The following LRRC4C variants were observed in gnomAD, a reference collection of about 807,000 sequenced individuals.
LRRC4C encodes leucine rich repeat containing 4C.
LRRC4C carries 5 observed loss-of-function variants against 33.6 expected under a neutral mutation model. The observed-to-expected ratio is 0.15, with a 90% CI of 0.08 to 0.31. The LOEUF (loss-of-function observed/expected upper bound fraction) is 0.31. Among genes scored for constraint, LRRC4C ranks in the 10% least tolerant of loss-of-function variants. LRRC4C has a pLI of 1.00. For missense variants in LRRC4C, 560 were observed against 796.7 expected (o/e 0.70, Z 3.58); for synonymous variants, 329 against 302.0 (o/e 1.09, Z -0.93).
chr11:41,308,649 C>T (rs1950567129), intron 1 of LRRC4C, among the ~76,000 whole-genome samples: 1 of 152,126 alleles, frequency 6.6e-6, no homozygotes, highest in Non-Finnish European at 1.5e-5. Flanking sequence ...TTGGTTTTCT[C>T]TCCCAGCCCA....
chr11:41,356,212 A>C (rs1952154659), intron 1 of LRRC4C, among the ~76,000 whole-genome samples: 1 of 152,186 alleles, frequency 6.6e-6, no homozygotes, highest in South Asian at 2.1e-4. Context: ...AACATTTATC[A>C]AAAAATGCAT....
chr11:40,360,461 C>G (rs1246645882), intron 3 of LRRC4C, among the ~76,000 whole-genome samples: 1 of 152,156 alleles, frequency 6.6e-6, no homozygotes, highest in South Asian at 2.1e-4. Flanking sequence ...CTGCTGCGTG[C>G]ACAGAAACAG....
chr11:40,369,620 A>G (rs1436340259), intron 3 of LRRC4C, among the ~76,000 whole-genome samples: 2 of 152,210 alleles, frequency 1.3e-5, no homozygotes, highest in Admixed American at 6.5e-5. Flanking sequence ...TTAAAGGCGT[A>G]AGCCAACACA....
intron 1 of LRRC4C, among the ~76,000 whole-genome samples, chr11:40,973,324 G>A (rs927666039): frequency 1.3e-5 from 2 of 151,596 alleles, no homozygotes; most frequent in Admixed American, 6.6e-5. Context: ...TAAGAAGACA[G>A]ATCACTACTT....
At chr11:41,267,124 A>T (rs1949176083) in intron 1 of LRRC4C, among the ~76,000 whole-genome samples, 1 of 152,124 alleles carries the variant, frequency 6.6e-6, no homozygotes, top group Non-Finnish European at 1.5e-5. Context: ...AGCAGATAGT[A>T]CTTTCACACT....
At chr11:40,488,908 G>A (rs11035866) in intron 3 of LRRC4C, among the ~76,000 whole-genome samples, 18,881 of 152,036 alleles carry the variant, frequency 0.12, 1,346 homozygotes, top group African/African-American at 0.17. Context: ...CAATGATATT[G>A]TGGTTTCTCC....
chr11:41,113,006 G>A (rs1321239607), intron 1 of LRRC4C, among the ~76,000 whole-genome samples: 4 of 152,004 alleles, frequency 2.6e-5, no homozygotes, highest in African/African-American at 9.7e-5. Flanking sequence ...AACTAAACAA[G>A]TACATTTTCT....
At chr11:40,895,843 G>A (rs1418177815) in intron 2 of LRRC4C, among the ~76,000 whole-genome samples, 1 of 152,064 alleles carries the variant, frequency 6.6e-6, no homozygotes, top group Non-Finnish European at 1.5e-5. Flanking sequence ...AAGTTATCCT[G>A]GCATCTGAGC....
chr11:40,755,514 C>A (rs1032218931), intron 2 of LRRC4C, among the ~76,000 whole-genome samples: 15 of 152,074 alleles, frequency 9.9e-5, no homozygotes, highest in African/African-American at 3.6e-4. Flanking sequence ...CTCCTTATTG[C>A]TGCTCCATTT....
chr11:40,859,136 C>G (rs11036104), intron 2 of LRRC4C, among the ~76,000 whole-genome samples: 1 of 152,144 alleles, frequency 6.6e-6, no homozygotes, highest in Non-Finnish European at 1.5e-5. Context: ...AGTGGGGAAT[C>G]ATTTATTAAC....
intron 2 of LRRC4C, among the ~76,000 whole-genome samples, chr11:40,804,500 C>T (rs1228217218): frequency 1.3e-5 from 2 of 152,282 alleles, no homozygotes; most frequent in East Asian, 3.9e-4. Flanking sequence ...TGTTTAATGA[C>T]ACAAGTAGCA....
intron 2 of LRRC4C, among the ~76,000 whole-genome samples, chr11:40,760,634 G>A (rs1949161054): frequency 6.6e-6 from 1 of 150,390 alleles, no homozygotes; most frequent in Non-Finnish European, 1.5e-5. Flanking sequence ...TTTTTGAGAT[G>A]GGGTCTCACT....
At chr11:41,228,009 ACTT>A (rs1468437932) in intron 1 of LRRC4C, among the ~76,000 whole-genome samples, 20 of 152,090 alleles carry the variant, frequency 1.3e-4, no homozygotes, top group African/African-American at 4.8e-4. Flanking sequence ...TTCACACTGA[ACTT>A]CTTCCTCCAA....
intron 2 of LRRC4C, among the ~76,000 whole-genome samples, chr11:40,773,375 GA>G (rs1012140065): frequency 6.6e-6 from 1 of 151,930 alleles, no homozygotes; most frequent in Admixed American, 6.6e-5. Flanking sequence ...TTTTTTAACA[GA>G]AAAAATGGTA....
Position 40,472,063 on chromosome 11 carries a change from G to A in LRRC4C, c.-269-152342C>T, listed in dbSNP as rs555490117. On this transcript the variant is annotated intron_variant, in intron 3 of 6. Transcript: ENST00000528697. The stretch of plus-strand genomic sequence containing the variant: ...GTAATCCCAGCACTTTGGGAGGCCC[G>A]AGGAGGGCAGATCATGATCCTGGCT... Among the ~76,000 whole-genome samples the A allele has an allele frequency of 6.6e-5, 10 of 151,958 alleles. No individual in the cohort carries two copies. The South Asian group carries it at 1.9e-3, about 28-fold the overall frequency.
In LRRC4C at chr11:40,295,423, T is replaced by C. The variant is rs115616624; in HGVS notation, c.-176+24205A>G. On this transcript the variant is annotated intron_variant, in intron 4 of 6. Coordinates refer to ENST00000528697, the MANE Select transcript of LRRC4C (RefSeq NM_001258419.2). ...TTTCTTTATTTTTGAGAGAACAGAA[T>C]ATGTACTTGGTTTAAAAACAGTTTT... 7.4e-3 allele frequency among the ~76,000 whole-genome samples: 1,131 copies of C among 152,318 alleles called. 10 individuals carry two copies. The highest frequency in any genetic ancestry group is 0.025 in the African/African-American group (1,060 of 41,582).
intron 3 of LRRC4C, among the ~76,000 whole-genome samples, chr11:40,600,795 T>C (rs1959911774): frequency 6.6e-6 from 1 of 152,188 alleles, no homozygotes; most frequent in African/African-American, 2.4e-5. Flanking sequence ...TAAGAAACCA[T>C]CTCTTGGTAT....
chr11:40,568,700 A>T (rs986038853), intron 3 of LRRC4C, among the ~76,000 whole-genome samples: 1 of 152,120 alleles, frequency 6.6e-6, no homozygotes, highest in Non-Finnish European at 1.5e-5. Context: ...TAGTAGCCCT[A>T]TCCTGGAATC....
intron 3 of LRRC4C, among the ~76,000 whole-genome samples, chr11:40,440,299 C>CTTT (rs66998647): frequency 7.6e-6 from 1 of 131,870 alleles, no homozygotes; most frequent in Non-Finnish European, 1.6e-5. Context: ...TGGTCTCTTT[C>CTTT]TTTTTTTTTT....
Sources: allele counts gnomAD v4.1 joint callset (sites outside exome capture counted in the v4.1 genomes callset), GRCh38; gene constraint gnomAD v4.1.1; transcripts MANE v1.5; gene names NCBI Gene and HGNC (gene_info 2026-07-23, HGNC 2026-07-21).